COL25A1: variants seen among roughly 807,000 people sequenced by gnomAD.
COL25A1 encodes the protein collagen type XXV alpha 1 chain.
A neutral mutation model predicts 128.4 loss-of-function variants in COL25A1; 103 were observed. The observed-to-expected ratio is 0.80, with a 90% confidence interval of 0.68 to 0.94. COL25A1 has a LOEUF of 0.94. Among genes scored for constraint, COL25A1 ranks in the 40% least tolerant of loss-of-function variants. COL25A1 has a pLI of 0.00. For missense variants in COL25A1, 745 were observed against 840.0 expected, an observed-to-expected ratio of 0.89 and a Z score of 1.40; for synonymous variants, 279 against 277.2, an observed-to-expected ratio of 1.01 and a Z score of -0.06.
intron 8 of COL25A1, among the ~76,000 whole-genome samples, chr4:108,954,092 C>T (rs369496470): frequency 3.3e-5 from 5 of 152,052 alleles, no homozygotes; most frequent in East Asian, 1.9e-4. Flanking sequence ...TCGAAAAGGA[C>T]GTAGCTACTT....
At chr4:108,831,721 T>C (rs1047633124) in intron 32 of COL25A1, among the ~76,000 whole-genome samples, 2 of 142,496 alleles carry the variant, frequency 1.4e-5, no homozygotes, top group Admixed American at 1.4e-4. Context: ...AGAGAGCGCA[T>C]GCATGAGAGG....
rs1326049484 is a variant in COL25A1 at position 108,811,424 on chromosome 4, A to G, written c.*2503T>C. ...AGTATTCTTTGAAGGGCTGTATTTC[A>G]AAAAATTTTTTTATACATAAAGTGT... On this transcript the variant is annotated 3_prime_UTR_variant, in exon 38 of 38. Coordinates refer to ENST00000399132, the MANE Select transcript of COL25A1 (RefSeq NM_198721.4). 6.6e-6 allele frequency: 1 copy of G among 152,132 alleles called. No individual in the cohort carries two copies. Among genetic ancestry groups the G allele is most frequent in the African/African-American group, 2.4e-5 (1 of 41,462 alleles). 9.4% of individuals were successfully genotyped at this position (152,132 alleles called of 1,614,324 possible). A position where few individuals can be genotyped will look rare whatever the true frequency, so the allele number is the denominator to read the frequency against.
intron 32 of COL25A1, 121 bp from the exon 33 acceptor site, chr4:108,827,309 A>C (rs1201357328): frequency 2.1e-5 from 18 of 842,262 alleles, no homozygotes; most frequent in Non-Finnish European, 2.0e-6. Flanking sequence ...TCAAAGATTT[A>C]GCCTCTTGCA....
chr4:108,979,353 T>C (rs1309866720), intron 6 of COL25A1, among the ~76,000 whole-genome samples: 2 of 152,174 alleles, frequency 1.3e-5, no homozygotes, highest in African/African-American at 4.8e-5. Flanking sequence ...ATGAATGACA[T>C]TCAGGAAAAT....
chr4:108,858,530 C>T (rs58868871), intron 24 of COL25A1, among the ~76,000 whole-genome samples: 2,786 of 152,144 alleles, frequency 0.018, 97 homozygotes, highest in African/African-American at 0.064. Context: ...TAACAGAAAC[C>T]GGTCACTTAA....
chr4:108,879,161 T>C (rs1739805422), intron 19 of COL25A1, among the ~76,000 whole-genome samples: 1 of 152,198 alleles, frequency 6.6e-6, no homozygotes, highest in African/African-American at 2.4e-5. Flanking sequence ...AGTCTTTATA[T>C]AATTTAGTGG....
chr4:109,096,268 C>T (rs1199055679), intron 3 of COL25A1, among the ~76,000 whole-genome samples: 1 of 152,152 alleles, frequency 6.6e-6, no homozygotes, highest in African/African-American at 2.4e-5. Flanking sequence ...TACTGTCATG[C>T]ACCACATAAT....
intron 3 of COL25A1, among the ~76,000 whole-genome samples, chr4:109,088,327 C>T (rs1191401496): frequency 1.3e-5 from 2 of 152,084 alleles, no homozygotes; most frequent in African/African-American, 4.8e-5. Flanking sequence ...TTTAAGGTTC[C>T]GATGCCACCT....
intron 6 of COL25A1, among the ~76,000 whole-genome samples, chr4:108,976,529 TA>T (rs1025215148): frequency 3.3e-5 from 5 of 152,216 alleles, no homozygotes; most frequent in African/African-American, 1.2e-4. Context: ...CTCTTAAAGA[TA>T]AAGTCATGTT....
intron 3 of COL25A1, among the ~76,000 whole-genome samples, chr4:109,157,795 C>T (rs1168564809): frequency 6.6e-6 from 1 of 152,144 alleles, no homozygotes; most frequent in African/African-American, 2.4e-5. Flanking sequence ...CTGCTTATGC[C>T]CAGGGGAGCA....
intron 3 of COL25A1, among the ~76,000 whole-genome samples, chr4:109,211,914 A>C (rs1396315582): frequency 1.3e-5 from 2 of 152,156 alleles, no homozygotes; most frequent in African/African-American, 4.8e-5. Flanking sequence ...AGGAGAAAGA[A>C]TGTGGGCTTT....
intron 8 of COL25A1, among the ~76,000 whole-genome samples, chr4:108,957,823 A>G (rs1334355850): frequency 6.6e-6 from 1 of 152,118 alleles, no homozygotes; most frequent in Non-Finnish European, 1.5e-5. Context: ...TCTCTCATCC[A>G]TATTATCTTC....
At chr4:109,271,784 G>GA (rs570853647) in intron 3 of COL25A1, among the ~76,000 whole-genome samples, 1 of 151,988 alleles carries the variant, frequency 6.6e-6, no homozygotes, top group Non-Finnish European at 1.5e-5. Context: ...AGAACCTGAG[G>GA]AAAAAAGTGT....
At chr4:108,968,445 GCTCT>G (rs916528150) in intron 8 of COL25A1, among the ~76,000 whole-genome samples, 2 of 151,440 alleles carry the variant, frequency 1.3e-5, no homozygotes, top group African/African-American at 4.9e-5. Context: ...CATCCCTGAG[GCTCT>G]CTTTTTATTC....
intron 5 of COL25A1, among the ~76,000 whole-genome samples, chr4:109,029,436 T>G (rs1758626057): frequency 6.6e-6 from 1 of 152,202 alleles, no homozygotes; most frequent in African/African-American, 2.4e-5. Flanking sequence ...TTTTGTCATC[T>G]CACATCATCA....
chr4:109,041,102 T>C (rs1759847775), intron 5 of COL25A1, among the ~76,000 whole-genome samples: 1 of 152,062 alleles, frequency 6.6e-6, no homozygotes, highest in South Asian at 2.1e-4. Context: ...ACCAGACACA[T>C]AACCAGAATT....
chr4:108,925,220 A>G lies in COL25A1; in HGVS notation c.709-4616T>C, dbSNP rs555891562. Among the ~76,000 whole-genome samples the G allele has an allele frequency of 7.9e-5, 12 of 152,348 alleles. No individual in the cohort carries two copies. In the South Asian group the frequency reaches 2.3e-3, roughly 29 times the overall value. On this transcript the variant is annotated intron_variant, in intron 11 of 37. Coordinates refer to ENST00000399132, the MANE Select transcript of COL25A1 (RefSeq NM_198721.4). The stretch of plus-strand genomic sequence containing the variant: ...ATAAGATAAAAATGCATACCCCTGG[A>G]CTTCATATACTAGTGAATGTAGTAA...
intron 3 of COL25A1, among the ~76,000 whole-genome samples, chr4:109,143,400 G>A (rs1367207592): frequency 5.3e-5 from 8 of 151,954 alleles, no homozygotes; most frequent in African/African-American, 1.9e-4. Context: ...TGATCTTCTC[G>A]AGGAGTATCT....
At chr4:109,142,531 T>C (rs1482638887) in intron 3 of COL25A1, among the ~76,000 whole-genome samples, 2 of 152,056 alleles carry the variant, frequency 1.3e-5, no homozygotes, top group Non-Finnish European at 2.9e-5. Context: ...TCTCCCACTA[T>C]TATTGTGTGG....
Sources: allele counts gnomAD v4.1 joint callset (sites outside exome capture counted in the v4.1 genomes callset), GRCh38; gene constraint gnomAD v4.1.1; transcripts MANE v1.5; gene names NCBI Gene and HGNC (gene_info 2026-07-23, HGNC 2026-07-21).